The following NLRP3 variants were observed in gnomAD, a reference collection of about 807,000 sequenced individuals.
NLRP3 encodes NLR family pyrin domain containing 3, also known as NACHT, LRR and PYD domains-containing protein 3.
A neutral mutation model predicts 91.3 loss-of-function variants in NLRP3; 48 were observed. The ratio of observed to expected loss-of-function variants is 0.53; its 90% CI spans 0.42 to 0.67. The LOEUF (loss-of-function observed/expected upper bound fraction) is 0.67, where lower values mean the gene tolerates loss of function less well. NLRP3 is among the 30% of genes least tolerant of loss of function. NLRP3 has a pLI of 0.00. For synonymous variants in NLRP3, 561 were observed against 507.9 expected, an observed-to-expected ratio of 1.10 and a Z score of -1.41; for missense variants, 982 against 1,276.9, an observed-to-expected ratio of 0.77 and a Z score of 3.52.
intron 5 of NLRP3, among the ~76,000 whole-genome samples, chr1:247,431,295 T>A (rs1371674513): frequency 2.0e-5 from 3 of 152,186 alleles, no homozygotes; most frequent in African/African-American, 7.2e-5. Context: ...ACTAGCTCTG[T>A]TTCATTCCCT....
chr1:247,442,596 G>A (rs1280038693), intron 7 of NLRP3, among the ~76,000 whole-genome samples: 1 of 152,156 alleles, frequency 6.6e-6, no homozygotes, highest in Non-Finnish European at 1.5e-5. Flanking sequence ...AAGGGCAGTG[G>A]GGAGAAGATG....
intron 9 of NLRP3, among the ~76,000 whole-genome samples, chr1:247,445,286 C>A (rs372603648): frequency 2.5e-4 from 38 of 152,044 alleles, no homozygotes. Context: ...CTGCAAGCTC[C>A]GCCTCCCGGG....
At chr1:247,426,082 A>G (rs1352172565) in intron 4 of NLRP3, among the ~76,000 whole-genome samples, 1 of 152,206 alleles carries the variant, frequency 6.6e-6, no homozygotes, top group Non-Finnish European at 1.5e-5. Context: ...CTGGGCGCAT[A>G]GAGAAGAAAT....
At chr1:247,444,503 C>A in intron 8 of NLRP3, 148 bp from the exon 9 acceptor site, 3 of 775,386 alleles carry the variant, frequency 3.9e-6, no homozygotes, top group Non-Finnish European at 6.7e-6. Context: ...TAATTACCAG[C>A]ATACAAGGCT....
In NLRP3 at chr1:247,425,318, C is replaced by T. The variant is rs777060377; in HGVS notation, c.1869C>T (p.Pro623=). The part of the protein sequence containing the change: ...KAKAKKLQIQ[P]SQLELFYCLY... ...AAGCTAAAAAGCTGCAGATCCAGCC[C>T]AGCCAGCTGGAATTGTTCTACTGTT... is the stretch of plus-strand genomic sequence containing the variant. Residue 623 remains proline, a synonymous_variant, in exon 4 of 10, where the codon CCC becomes CCT. Transcript: ENST00000336119. The surrounding 1 kb of genome is among the most constrained non-coding windows in gnomAD (Gnocchi z 4.1). 2.5e-6 allele frequency: 4 copies of T among 1,614,156 alleles called. No homozygotes were observed. In the East Asian group the frequency reaches 8.9e-5, roughly 36 times the overall value.
intron 5 of NLRP3, among the ~76,000 whole-genome samples, chr1:247,432,114 A>G (rs1572192537): frequency 2.0e-5 from 3 of 152,080 alleles, no homozygotes; most frequent in Admixed American, 2.0e-4. Context: ...CAAACTCCTG[A>G]CCTCGTGATC....
intron 7 of NLRP3, among the ~76,000 whole-genome samples, chr1:247,440,363 G>A (rs753143765): frequency 5.9e-5 from 9 of 152,110 alleles, no homozygotes; most frequent in East Asian, 1.9e-4. Context: ...GTGAGTAAAC[G>A]GGGGACGGTC....
chr1:247,427,687 ATTGGAGCC>A (rs1663000583), intron 4 of NLRP3, among the ~76,000 whole-genome samples: 3 of 133,686 alleles, frequency 2.2e-5, no homozygotes, highest in African/African-American at 8.5e-5. Flanking sequence ...ACAGACTCTG[ATTGGAGCC>A]CTGGCAGGGG....
At position 247,448,695 on chromosome 1, in the gene NLRP3, G is replaced by A. The variant is rs1572240630; in HGVS notation, c.*191G>A. 3.1e-6 allele frequency: 2 copies of A among 642,660 alleles called. No homozygotes were observed. Among genetic ancestry groups the A allele is most frequent in the East Asian group, 5.6e-5 (2 of 35,788 alleles). 39.8% of individuals were successfully genotyped at this position (642,660 alleles called of 1,614,324 possible). On this transcript the variant is annotated 3_prime_UTR_variant, in exon 10 of 10. Transcript: ENST00000336119. ...TTGGGCATCTCCTTTACGCCAGGGT[G>A]AGGAAGACACCAGGACAATGACAGC...
chr1:247,421,845 C>T (rs186870674), intron 2 of NLRP3, among the ~76,000 whole-genome samples: 1 of 152,132 alleles, frequency 6.6e-6, no homozygotes, highest in East Asian at 1.9e-4. Flanking sequence ...AGGTAATAGA[C>T]TTTGGCTAAT....
Position 247,448,599 on chromosome 1 carries a change from C to CACA in NLRP3, c.*96_*98dup, listed in dbSNP as rs1664755516. ...AGCTGCGATCCATCCAGGCCAAGAC[C>CACA]ACAGCTCTGTGATCCTTCCGGTGGA... On this transcript the variant is annotated 3_prime_UTR_variant, in exon 10 of 10. Transcript: ENST00000336119. The CACA allele has an allele frequency of 1.3e-6, 1 of 798,378 alleles. No individual in the cohort carries two copies. Among genetic ancestry groups the CACA allele is most frequent in the Admixed American group, 1.8e-5 (1 of 56,328 alleles). 49.5% of individuals were successfully genotyped at this position (798,378 alleles called of 1,614,324 possible).
intron 7 of NLRP3, among the ~76,000 whole-genome samples, chr1:247,442,229 C>T (rs1489333741): frequency 1.3e-5 from 2 of 152,134 alleles, no homozygotes; most frequent in Non-Finnish European, 2.9e-5. Context: ...ATCACTTTTT[C>T]CTGCTGGTCA....
intron 4 of NLRP3, among the ~76,000 whole-genome samples, chr1:247,426,959 C>T (rs997230341): frequency 4.6e-5 from 7 of 151,704 alleles, no homozygotes; most frequent in Admixed American, 1.3e-4. Context: ...CAAACAGTTC[C>T]GAGTGACTGG....
In NLRP3 at chr1:247,427,415, G is replaced by A. The variant is rs74425704; in HGVS notation, c.2150+1816G>A. ...AAGAGTGAGGTGGAAGGTGGAGAGG[G>A]CAGGGAGACCTTATGAAGATCACAC... On this transcript the variant is annotated intron_variant, in intron 4 of 9. Coordinates refer to ENST00000336119, the MANE Select transcript of NLRP3 (RefSeq NM_001243133.2). Among the ~76,000 whole-genome samples the A allele has an allele frequency of 4.6e-3, 695 of 152,354 alleles. 8 individuals are homozygous for A. Among genetic ancestry groups the A allele is most frequent in the African/African-American group, 0.016 (660 of 41,574 alleles).
At chr1:247,444,935 T>A (rs970579973) in intron 9 of NLRP3, 114 bp downstream of exon 9, 1 of 1,137,728 alleles carries the variant, frequency 8.8e-7, no homozygotes, top group Non-Finnish European at 1.3e-6. Context: ...CAAGATTAGG[T>A]TGGGCCTGGG....
intron 2 of NLRP3, among the ~76,000 whole-genome samples, chr1:247,419,737 A>G (rs1662323666): frequency 6.6e-6 from 1 of 152,216 alleles, no homozygotes; most frequent in Admixed American, 6.5e-5. Context: ...ACTATGTTGT[A>G]GCATGTGTCG....
At chr1:247,439,214 G>T (rs115909551) in intron 7 of NLRP3, among the ~76,000 whole-genome samples, 24 of 152,282 alleles carry the variant, frequency 1.6e-4, no homozygotes, top group African/African-American at 5.5e-4. Context: ...GTAATACATT[G>T]TTATGTAGTA....
At position 247,441,140 on chromosome 1, in the gene NLRP3, TTTC is replaced by T. The variant is rs780501469; in HGVS notation, c.2664-2829_2664-2827del. On this transcript the variant is annotated intron_variant, in intron 7 of 9. Coordinates refer to ENST00000336119, the MANE Select transcript of NLRP3 (RefSeq NM_001243133.2). Reference sequence around the variant, plus strand: ...CTCTTTTTCTTTTTCTCTTTCTTTCTTTCTTTCTCTCTCTCTCTCTTTCTTTCT... The same window carrying T: ...CTCTTTTTCTTTTTCTCTTTCTTTCTTTTCTCTCTCTCTCTCTTTCTTTCT... Among the ~76,000 whole-genome samples, 291 of 66,702 alleles carry T rather than the reference TTTC, an allele frequency of 4.4e-3. 4 individuals carry two copies. The Middle Eastern group carries it at 0.071, about 16-fold the overall frequency. The allele number at this position is 66,702 out of a possible 152,430, so 43.8% of individuals were successfully genotyped here.
Position 247,424,124 on chromosome 1 carries a change from G to C in NLRP3, c.675G>C (p.Ala225=). 1 of 1,614,074 alleles carries C rather than the reference G, an allele frequency of 6.2e-7. No individual in the cohort carries two copies. Among genetic ancestry groups the C allele is most frequent in the Middle Eastern group, 1.6e-4 (1 of 6,062 alleles). Residue 225 remains alanine (A), a synonymous_variant, in exon 4 of 10, where the codon GCG becomes GCC. Coordinates refer to ENST00000336119, the MANE Select transcript of NLRP3 (RefSeq NM_001243133.2). The surrounding 1 kb of genome is among the most constrained non-coding windows in gnomAD (Gnocchi z 8.1). ...TGCACACCGTGGTGTTCCAGGGGGC[G>C]GCAGGGATTGGGAAAACAATCCTGG... The part of the protein sequence containing the change: ...EPVHTVVFQG[A]AGIGKTILAR...
Sources: allele counts gnomAD v4.1 joint callset (sites outside exome capture counted in the v4.1 genomes callset), GRCh38; gene constraint gnomAD v4.1.1; non-coding constraint Gnocchi (gnomAD v3.1); transcripts MANE v1.5; gene names NCBI Gene and HGNC (gene_info 2026-07-23, HGNC 2026-07-21).